Variants in ETS2 observed in about 807,000 individuals in gnomAD.
ETS2 encodes the protein protein C-ets-2.
A neutral mutation model predicts 54.9 loss-of-function variants in ETS2; 19 were observed. The ratio of observed to expected loss-of-function variants is 0.35; its 90% confidence interval spans 0.24 to 0.51. ETS2 has a LOEUF of 0.51. ETS2 is among the 20% of genes least tolerant of loss of function. ETS2 has a pLI of 0.97. For missense variants in ETS2, 417 were observed against 593.0 expected (o/e 0.70, Z 3.08); for synonymous variants, 219 against 229.3 (o/e 0.95, Z 0.41).
upstream of ETS2, chr21:38,805,728 C>A: frequency 2.4e-6 from 2 of 844,862 alleles, no homozygotes; most frequent in Non-Finnish European, 3.1e-6. This position sits in a 1 kb window ranked among gnomAD's most constrained non-coding sequence, Gnocchi z 5.2. Flanking sequence ...AACCCTCCTG[C>A]TGCCCCCTTC....
chr21:38,805,915 G>C (rs540664963), upstream of ETS2: 6 of 1,242,752 alleles, frequency 4.8e-6, no homozygotes, highest in African/African-American at 8.0e-5. This position sits in a 1 kb window ranked among gnomAD's most constrained non-coding sequence, Gnocchi z 5.2. Context: ...AGCGCGCCGC[G>C]TGGGGGACGG....
In ETS2 at chr21:38,810,535, C is replaced by T. The variant is rs181620381; in HGVS notation, c.72+429C>T. ...ACAGCTCCTATCAGAAAGGGCAGCG[C>T]CCGTGGAATTGTAGGTAGCCTGTTA... is the stretch of plus-strand genomic sequence containing the variant. On this transcript the variant is annotated intron_variant, in intron 2 of 9. Coordinates refer to ENST00000360938, the MANE Select transcript of ETS2 (RefSeq NM_005239.6). 1.5e-3 allele frequency among the ~76,000 whole-genome samples: 221 copies of T among 152,294 alleles called. 1 individual carries two copies. The highest frequency in any genetic ancestry group is 5.1e-3 in the African/African-American group (214 of 41,566).
rs1159765476 is a variant in ETS2 at position 38,824,415 on chromosome 21, T to C, written c.*1526T>C. ...TCGTTTCAAAAGAGCACCTGAGTCA[T>C]GTGTATTCCCGGCCTTTATAAATGA... On this transcript the variant is annotated 3_prime_UTR_variant, in exon 10 of 10. Transcript: ENST00000360938. 7.2e-6 allele frequency: 1 copy of C among 139,714 alleles called. No individual in the cohort carries two copies. Among genetic ancestry groups the C allele is most frequent in the Non-Finnish European group, 1.6e-5 (1 of 62,544 alleles). The allele number at this position is 139,714 out of a possible 1,614,324, so 8.7% of individuals were successfully genotyped here. A position where few individuals can be genotyped will look rare whatever the true frequency, so the allele number is the denominator to read the frequency against.
intron 1 of ETS2, among the ~76,000 whole-genome samples, chr21:38,808,467 T>C (rs770169086): frequency 4.5e-4 from 68 of 152,306 alleles, no homozygotes; most frequent in Non-Finnish European, 8.4e-4. Context: ...TATTATTTAT[T>C]GCCAGTGCTG....
In ETS2 at chr21:38,806,377, T is replaced by C; in HGVS notation, c.-1+257T>C. On this transcript the variant is annotated intron_variant, in intron 1 of 9. Coordinates refer to ENST00000360938, the MANE Select transcript of ETS2 (RefSeq NM_005239.6). The surrounding 1 kb of genome is among the most constrained non-coding windows in gnomAD (Gnocchi z 4.3). ...GGGGGTTCCTGCGTGCTAGGGCCGCTGTCTTCGGGGTCGCCTAGCGGCGGG... is the reference window on the plus strand; with the variant it reads ...GGGGGTTCCTGCGTGCTAGGGCCGCCGTCTTCGGGGTCGCCTAGCGGCGGG... 1 of 984,862 alleles carries C rather than the reference T, an allele frequency of 1.0e-6. No individual in the cohort carries two copies. The highest frequency in any genetic ancestry group is 1.2e-6 in the Non-Finnish European group (1 of 829,474). The allele number at this position is 984,862 out of a possible 1,614,324, so 61.0% of individuals were successfully genotyped here. A position where few individuals can be genotyped will look rare whatever the true frequency, so the allele number is the denominator to read the frequency against.
At position 38,821,220 on chromosome 21, in the gene ETS2, G is replaced by A. The variant is rs1194769537; in HGVS notation, c.1076-366G>A. On this transcript the variant is annotated intron_variant, in intron 8 of 9. Coordinates refer to ENST00000360938, the MANE Select transcript of ETS2 (RefSeq NM_005239.6). The surrounding 1 kb of genome is among the most constrained non-coding windows in gnomAD (Gnocchi z 4.2). The stretch of plus-strand genomic sequence containing the variant: ...GGTGTTTCTAGAAAAAAACCTTGAA[G>A]GTTTTTACATAAGGAACAATTAAAC... Among the ~76,000 whole-genome samples the A allele has an allele frequency of 6.6e-6, 1 of 152,130 alleles. No homozygotes were observed. Among genetic ancestry groups the A allele is most frequent in the Non-Finnish European group, 1.5e-5 (1 of 68,020 alleles).
chr21:38,805,896 C>T (rs2060890051), upstream of ETS2: 2 of 1,231,950 alleles, frequency 1.6e-6, no homozygotes, highest in African/African-American at 1.6e-5. The surrounding 1 kb of genome is among the most constrained non-coding windows in gnomAD (Gnocchi z 5.2). Context: ...CCTCCTCCCG[C>T]TCCTGAAGAG....
chr21:38,805,526 C>A (rs1035604104), upstream of ETS2: 1 of 1,287,204 alleles, frequency 7.8e-7, no homozygotes. This position sits in a 1 kb window ranked among gnomAD's most constrained non-coding sequence, Gnocchi z 5.2. Flanking sequence ...GGCGCACACT[C>A]GCGCGCACGT....
At chr21:38,811,950 A>G (rs1312520330) in intron 2 of ETS2, among the ~76,000 whole-genome samples, 1 of 152,214 alleles carries the variant, frequency 6.6e-6, no homozygotes, top group African/African-American at 2.4e-5. Flanking sequence ...TCCTGGGCTC[A>G]AGTGATCCTC....
chr21:38,805,584 C>T, upstream of ETS2: 1 of 1,273,410 alleles, frequency 7.9e-7, no homozygotes, highest in South Asian at 1.3e-5. This position sits in a 1 kb window ranked among gnomAD's most constrained non-coding sequence, Gnocchi z 5.2. Flanking sequence ...CGGCGAGGGA[C>T]CCAGCCGAGT....
intron 2 of ETS2, among the ~76,000 whole-genome samples, chr21:38,810,347 T>C (rs915181676): frequency 1.3e-5 from 2 of 152,212 alleles, no homozygotes; most frequent in African/African-American, 4.8e-5. Flanking sequence ...CTTTATAGCT[T>C]GTTTTCTGAG....
rs973715632 is a variant in ETS2, at chr21:38,806,934, G to A, written c.-1+814G>A. ...AGGGTAGCCTAAAACAGTAGTTGAC[G>A]CGCTAGTTATTTAGAAAGTAAAGAA... On this transcript the variant is annotated intron_variant, in intron 1 of 9. Transcript: ENST00000360938. This position sits in a 1 kb window ranked among gnomAD's most constrained non-coding sequence, Gnocchi z 4.3. 16 of 642,722 alleles carry A rather than the reference G, an allele frequency of 2.5e-5. No individual in the cohort carries two copies. The highest frequency in any genetic ancestry group is 7.9e-4 in the Middle Eastern group (1 of 1,272). The allele number at this position is 642,722 out of a possible 1,614,324, so 39.8% of individuals were successfully genotyped here.
Position 38,806,532 on chromosome 21 carries a change from G to T in ETS2, c.-1+412G>T, listed in dbSNP as rs1162272605. ...CGCGAACGGGAGTGGGGGCACAGGAGAGCGTGTCCGAGGTGGCCTGGCGCC... is the reference window on the plus strand; with the variant it reads ...CGCGAACGGGAGTGGGGGCACAGGATAGCGTGTCCGAGGTGGCCTGGCGCC... On this transcript the variant is annotated intron_variant, in intron 1 of 9. Transcript: ENST00000360938. This position sits in a 1 kb window ranked among gnomAD's most constrained non-coding sequence, Gnocchi z 4.3. 1 of 985,426 alleles carries T rather than the reference G, an allele frequency of 1.0e-6. No homozygotes were observed. Among genetic ancestry groups the T allele is most frequent in the Non-Finnish European group, 1.2e-6 (1 of 830,020 alleles). The allele number at this position is 985,426 out of a possible 1,614,324, so 61.0% of individuals were successfully genotyped here.
rs1271801977 is a variant in ETS2, at chr21:38,815,508, A to G, written c.505+527A>G. On this transcript the variant is annotated intron_variant, in intron 5 of 9. Coordinates refer to ENST00000360938, the MANE Select transcript of ETS2 (RefSeq NM_005239.6). ...TTTTAAACAAGTGAGAAATTGATAT[A>G]TATTTACACGCTATCATATTGTACA... 2.0e-5 allele frequency among the ~76,000 whole-genome samples: 3 copies of G among 152,274 alleles called. No homozygotes were observed. The East Asian group carries it at 5.8e-4, about 29-fold the overall frequency.
At chr21:38,805,922 A>T (rs560977728), upstream of ETS2, 21 of 1,240,540 alleles carry the variant, frequency 1.7e-5, 1 homozygote, top group South Asian at 2.6e-4. The surrounding 1 kb of genome is among the most constrained non-coding windows in gnomAD (Gnocchi z 5.2). Context: ...CGCGTGGGGG[A>T]CGGCCCGGTT....
chr21:38,819,957 A>G (rs1249844616), intron 8 of ETS2, among the ~76,000 whole-genome samples, 191 bp downstream of exon 8: 1 of 152,190 alleles, frequency 6.6e-6, no homozygotes, highest in Non-Finnish European at 1.5e-5. Context: ...AGGAATTTTC[A>G]TGTACACAGA....
intron 7 of ETS2, 73 bp from the exon 8 acceptor site, chr21:38,819,430 T>C (rs530959089): frequency 7.1e-7 from 1 of 1,412,292 alleles, no homozygotes; most frequent in African/African-American, 1.4e-5. Context: ...TAGTGGTTGG[T>C]GATGCTATGG....
At chr21:38,805,356 G>A (rs2060887116), upstream of ETS2, 4 of 1,288,840 alleles carry the variant, frequency 3.1e-6, no homozygotes, top group Non-Finnish European at 4.0e-6. This position sits in a 1 kb window ranked among gnomAD's most constrained non-coding sequence, Gnocchi z 5.2. Flanking sequence ...AATGGGGTCG[G>A]CTCAATTTCA....
In ETS2 at chr21:38,806,528, A is replaced by C. The variant is rs926331795; in HGVS notation, c.-1+408A>C. 1 of 985,376 alleles carries C rather than the reference A, an allele frequency of 1.0e-6. No individual in the cohort carries two copies. 61.0% of individuals were successfully genotyped at this position (985,376 alleles called of 1,614,324 possible). A position where few individuals can be genotyped will look rare whatever the true frequency, so the allele number is the denominator to read the frequency against. On this transcript the variant is annotated intron_variant, in intron 1 of 9. Coordinates refer to ENST00000360938, the MANE Select transcript of ETS2 (RefSeq NM_005239.6). The surrounding 1 kb of genome is among the most constrained non-coding windows in gnomAD (Gnocchi z 4.3). ...ATTTCGCGAACGGGAGTGGGGGCAC[A>C]GGAGAGCGTGTCCGAGGTGGCCTGG... is the stretch of plus-strand genomic sequence containing the variant.
Sources: gnomAD v4.1 joint callset for allele counts (sites outside exome capture counted in the v4.1 genomes callset) on GRCh38, gnomAD v4.1.1 for gene constraint, Gnocchi (gnomAD v3.1) non-coding constraint, MANE v1.5 for transcripts, NCBI Gene and HGNC (gene_info 2026-07-23, HGNC 2026-07-21) for gene names.